The following ZNF578 variants were observed in gnomAD, a reference collection of about 807,000 sequenced individuals.
ZNF578 encodes the protein zinc finger protein 578, also known as Putative chemokine-related protein B42.
Under a neutral mutation model 8.3 loss-of-function variants are expected in ZNF578, and 8 were observed. The ratio of observed to expected loss-of-function variants is 0.96; its 90% CI spans 0.56 to 1.74. The LOEUF is 1.74. Ranked by LOEUF, ZNF578 falls within the 40% of genes most tolerant of loss-of-function variation. The pLI, the probability that ZNF578 is intolerant of heterozygous loss-of-function variation, is 0.00. For synonymous variants in ZNF578, 206 were observed against 232.2 expected (o/e 0.89, Z 1.03); for missense variants, 726 against 707.5 (o/e 1.03, Z -0.30).
chr19:52,460,777 G>A (rs1426826185), intron 2 of ZNF578, among the ~76,000 whole-genome samples: 1 of 152,168 alleles, frequency 6.6e-6, no homozygotes, highest in South Asian at 2.1e-4. Flanking sequence ...TGGAAATGGT[G>A]TTGAATTGTT....
intron 5 of ZNF578, among the ~76,000 whole-genome samples, chr19:52,509,189 C>T (rs948470612): frequency 6.6e-6 from 1 of 152,094 alleles, no homozygotes; most frequent in Admixed American, 6.6e-5. Context: ...GGTTGTGAGT[C>T]GTCGTGCCCA....
chr19:52,461,314 A>G (rs1462884257), intron 2 of ZNF578, among the ~76,000 whole-genome samples: 1 of 152,254 alleles, frequency 6.6e-6, no homozygotes. Context: ...CTCTAAGCTC[A>G]TTATACAATC....
In ZNF578 at chr19:52,465,279, C is replaced by T. The variant is rs114017764; in HGVS notation, c.-122+8321C>T. ...GTGAGCCGAGTATCGGGCTCCCTCC[C>T]CCACCACTCACTGGGTTGAGGAGGT... is the stretch of plus-strand genomic sequence containing the variant. On this transcript the variant is annotated intron_variant, in intron 2 of 5. Coordinates refer to ENST00000421239, the MANE Select transcript of ZNF578 (RefSeq NM_001099694.2). 8.2e-3 allele frequency among the ~76,000 whole-genome samples: 1,242 copies of T among 152,242 alleles called. 22 individuals are homozygous for T. The highest frequency in any genetic ancestry group is 0.029 in the African/African-American group (1,185 of 41,530).
intron 5 of ZNF578, among the ~76,000 whole-genome samples, chr19:52,505,739 A>T (rs998115112): frequency 6.6e-6 from 1 of 151,992 alleles, no homozygotes; most frequent in Non-Finnish European, 1.5e-5. Context: ...TTCATTTTTG[A>T]CAAGAAAACC....
intron 3 of ZNF578, among the ~76,000 whole-genome samples, chr19:52,499,487 A>G (rs1251447844): frequency 6.6e-6 from 1 of 152,154 alleles, no homozygotes; most frequent in Non-Finnish European, 1.5e-5. Context: ...GTGACTTCCT[A>G]AATCCCCAAA....
intron 5 of ZNF578, among the ~76,000 whole-genome samples, chr19:52,505,088 T>C (rs534039140): frequency 2.1e-4 from 32 of 152,246 alleles, no homozygotes; most frequent in African/African-American, 7.5e-4. Context: ...GGTTTCTCCA[T>C]GTTGGTCAGG....
rs531990534 is a variant in ZNF578 at position 52,480,819 on chromosome 19, C to G, written c.-121-10505C>G. ...GGCTGAGGCAGAGAGTTGCTTGAACCTGGGAGGCAGAGGTTGCAATGAGCC... is the reference window on the plus strand; with the variant it reads ...GGCTGAGGCAGAGAGTTGCTTGAACGTGGGAGGCAGAGGTTGCAATGAGCC... On this transcript the variant is annotated intron_variant, in intron 2 of 5. Coordinates refer to ENST00000421239, the MANE Select transcript of ZNF578 (RefSeq NM_001099694.2). Among the ~76,000 whole-genome samples, 202 of 151,444 alleles carry G rather than the reference C, an allele frequency of 1.3e-3. 1 individual carries two copies. Among genetic ancestry groups the G allele is most frequent in the Non-Finnish European group, 2.1e-3 (144 of 67,908 alleles).
At chr19:52,464,110 A>G (rs2059267036) in intron 2 of ZNF578, among the ~76,000 whole-genome samples, 1 of 152,216 alleles carries the variant, frequency 6.6e-6, no homozygotes. Context: ...TAAAATTGCC[A>G]TCTGATCTAA....
rs1599888308 is a variant in ZNF578 at position 52,474,091 on chromosome 19, T to G, written c.-122+17133T>G. ...TGTAAGGCCTCTCTCCAGTATGAAT[T>G]CTCTGATGATTGCTTAGGGATAAAC... On this transcript the variant is annotated intron_variant, in intron 2 of 5. Transcript: ENST00000421239. 3 of 375,880 alleles carry G rather than the reference T, an allele frequency of 8.0e-6. No homozygotes were observed. The East Asian group carries it at 2.0e-4, about 25-fold the overall frequency. The allele number at this position is 375,880 out of a possible 1,614,324, so 23.3% of individuals were successfully genotyped here.
In ZNF578 at chr19:52,511,852, A is replaced by G; in HGVS notation, c.1471A>G (p.Thr491Ala). Residue 491 changes from threonine to alanine, a missense_variant, in exon 6 of 6, where the codon ACC becomes GCC. By Grantham distance (58) the Thr-to-Ala change is moderately conservative. Transcript: ENST00000421239. ...TTACAAGTGTAATGAGTGTCACAAG[A>G]CCTTCAGTCACAGGTCATCTCTTCC... ...KPYKCNECHK[T>A]FSHRSSLPCH... 6.2e-7 allele frequency: 1 copy of G among 1,611,608 alleles called. No individual in the cohort carries two copies. Among genetic ancestry groups the G allele is most frequent in the Non-Finnish European group, 8.5e-7 (1 of 1,179,128 alleles).
At chr19:52,508,543 A>G (rs2059433333) in intron 5 of ZNF578, among the ~76,000 whole-genome samples, 2 of 151,846 alleles carry the variant, frequency 1.3e-5, no homozygotes, top group Admixed American at 1.3e-4. Context: ...CTCGCCTGTA[A>G]TCCTAGCACT....
At position 52,511,600 on chromosome 19, in the gene ZNF578, G is replaced by A. The variant is rs1242081009; in HGVS notation, c.1219G>A (p.Ala407Thr). ...TTACAAGTGTAATGAATGTGGCAAG[G>A]CTTTTAATCAACAATCACACCTTTC... ...KPYKCNECGK[A>T]FNQQSHLSRH... Residue 407 changes from alanine to threonine, a missense_variant, in exon 6 of 6, where the codon GCT becomes ACT. Physicochemically the swap from Ala to Thr is moderately conservative, Grantham distance 58. Transcript: ENST00000421239. The A allele has an allele frequency of 4.3e-6, 7 of 1,612,580 alleles. No homozygotes were observed. Among genetic ancestry groups the A allele is most frequent in the South Asian group, 1.1e-5 (1 of 91,022 alleles).
Position 52,511,876 on chromosome 19 carries a change from C to T in ZNF578, c.1495C>T (p.Pro499Ser). 6.2e-7 allele frequency: 1 copy of T among 1,609,844 alleles called. No individual in the cohort carries two copies. The highest frequency in any genetic ancestry group is 8.5e-7 in the Non-Finnish European group (1 of 1,178,594). ...HKTFSHRSSL[P>S]CHRRLHSGEK... ...GACCTTCAGTCACAGGTCATCTCTT[C>T]CATGCCATCGTAGACTTCATAGTGG... Residue 499 changes from proline (P) to serine (S), a missense_variant, in exon 6 of 6, where the codon CCA becomes TCA. Physicochemically the swap from Pro to Ser is moderately conservative, Grantham distance 74. Transcript: ENST00000421239.
At chr19:52,486,100 G>A (rs562435507) in intron 2 of ZNF578, among the ~76,000 whole-genome samples, 2 of 152,344 alleles carry the variant, frequency 1.3e-5, no homozygotes, top group East Asian at 3.9e-4. Flanking sequence ...CACTGAGATA[G>A]GAGAAAACGG....
chr19:52,489,406 A>G (rs2059357503), intron 2 of ZNF578, among the ~76,000 whole-genome samples: 1 of 151,836 alleles, frequency 6.6e-6, no homozygotes, highest in African/African-American at 2.4e-5. Context: ...CCTGACCAAT[A>G]TAGAGAAACC....
At chr19:52,487,957 C>CT (rs1477404295) in intron 2 of ZNF578, among the ~76,000 whole-genome samples, 1 of 150,412 alleles carries the variant, frequency 6.6e-6, no homozygotes, top group African/African-American at 2.4e-5. Flanking sequence ...ATAGCCCCCC[C>CT]CCCTTTTTTT....
intron 2 of ZNF578, among the ~76,000 whole-genome samples, chr19:52,465,336 C>T (rs2059271323): frequency 6.6e-6 from 1 of 152,098 alleles, no homozygotes; most frequent in Admixed American, 6.5e-5. Flanking sequence ...TCTGGAGAAG[C>T]CGTGGGCTGA....
intron 2 of ZNF578, among the ~76,000 whole-genome samples, chr19:52,463,281 C>T (rs1477918883): frequency 6.6e-6 from 1 of 152,186 alleles, no homozygotes; most frequent in African/African-American, 2.4e-5. Flanking sequence ...TGCAGTCTCA[C>T]CAGTTTGGCA....
At chr19:52,475,712 A>C (rs1282761213) in intron 2 of ZNF578, among the ~76,000 whole-genome samples, 1 of 152,112 alleles carries the variant, frequency 6.6e-6, no homozygotes, top group African/African-American at 2.4e-5. Context: ...GAAGTCTGTA[A>C]CCTGTCTTTA....
Sources: gnomAD v4.1 joint callset for allele counts (sites outside exome capture counted in the v4.1 genomes callset) on GRCh38, gnomAD v4.1.1 for gene constraint, MANE v1.5 for transcripts, NCBI Gene and HGNC (gene_info 2026-07-23, HGNC 2026-07-21) for gene names.